Variants in CFAP263 observed in about 807,000 individuals in gnomAD.
CFAP263 encodes cilia- and flagella-associated protein 263.
the CFAP263 span, among the ~76,000 whole-genome samples, chr16:58,261,450 GC>G: frequency 1.3e-5 from 2 of 152,218 alleles, no homozygotes; most frequent in Non-Finnish European, 2.9e-5. Context: ...TAATGCCGCT[GC>G]TACACAAAGA....
the CFAP263 span, among the ~76,000 whole-genome samples, chr16:58,268,648 C>T: frequency 6.8e-4 from 104 of 152,136 alleles, no homozygotes; most frequent in African/African-American, 2.2e-3. Context: ...ATCATTTTCT[C>T]GATGGACAAC....
the CFAP263 span, chr16:58,278,649 G>A: frequency 2.5e-6 from 4 of 1,613,586 alleles, no homozygotes; most frequent in East Asian, 6.7e-5. Flanking sequence ...TGAGCCACGG[G>A]GAGCCCCAAG....
chr16:58,262,836 G>T, the CFAP263 span, among the ~76,000 whole-genome samples: 24 of 105,860 alleles, frequency 2.3e-4, no homozygotes, highest in Middle Eastern at 4.7e-3. Flanking sequence ...CTGACTAATT[G>T]AATTAGGAGG....
At chr16:58,255,756 G>A in the CFAP263 span, among the ~76,000 whole-genome samples, 7 of 151,978 alleles carry the variant, frequency 4.6e-5, no homozygotes, top group African/African-American at 1.7e-4. Flanking sequence ...GTAGAGACGG[G>A]GTTTCACCAT....
chr16:58,267,908 G>A, the CFAP263 span, among the ~76,000 whole-genome samples: 1 of 151,880 alleles, frequency 6.6e-6, no homozygotes, highest in African/African-American at 2.4e-5. Context: ...ACAACCCCAG[G>A]AAAAATGTTT....
chr16:58,258,505 G>C, the CFAP263 span: 1 of 1,613,988 alleles, frequency 6.2e-7, no homozygotes, highest in Non-Finnish European at 8.5e-7. Flanking sequence ...AATACATTGA[G>C]GACATGAACC....
At chr16:58,249,957 C>A in the CFAP263 span, 3 of 1,211,406 alleles carry the variant, frequency 2.5e-6, no homozygotes, top group East Asian at 2.6e-5. Flanking sequence ...GACGCGTGGC[C>A]GCCGGCACCC....
At chr16:58,259,970 T>C in the CFAP263 span, 1 of 1,430,778 alleles carries the variant, frequency 7.0e-7, no homozygotes, top group Non-Finnish European at 9.8e-7. Flanking sequence ...TCTGTTTCTT[T>C]TTAAGGTTAC....
chr16:58,269,582 T>A, the CFAP263 span, among the ~76,000 whole-genome samples: 3 of 152,240 alleles, frequency 2.0e-5, no homozygotes, highest in Non-Finnish European at 4.4e-5. Flanking sequence ...AAAGAGATTA[T>A]ACAATAGGTG....
the CFAP263 span, chr16:58,250,116 G>A: frequency 1.9e-6 from 3 of 1,567,612 alleles, no homozygotes; most frequent in Admixed American, 1.9e-5. Flanking sequence ...AGGAGCTCAG[G>A]TACCGCCGCC....
chr16:58,266,108 T>A, the CFAP263 span, among the ~76,000 whole-genome samples: 1 of 151,994 alleles, frequency 6.6e-6, no homozygotes, highest in Non-Finnish European at 1.5e-5. Flanking sequence ...AGAAGTGAGG[T>A]CTGAAAATAG....
chr16:58,249,992 G>C, the CFAP263 span: 12 of 1,516,546 alleles, frequency 7.9e-6, no homozygotes, highest in African/African-American at 1.4e-5. Flanking sequence ...CACGGCATTG[G>C]CAGGGGCCGC....
the CFAP263 span, chr16:58,262,317 A>G: frequency 1.4e-6 from 2 of 1,436,544 alleles, no homozygotes; most frequent in African/African-American, 1.4e-5. Context: ...AAGAGTTGCA[A>G]GATGTGAGCC....
chr16:58,252,679 G>C, the CFAP263 span: 1 of 1,574,460 alleles, frequency 6.4e-7, no homozygotes, highest in East Asian at 2.2e-5. Context: ...AGTTATTTGA[G>C]GTTTAAACTC....
chr16:58,252,834 C>G, the CFAP263 span: 1 of 1,613,876 alleles, frequency 6.2e-7, no homozygotes, highest in Non-Finnish European at 8.5e-7. Context: ...ATTAAAATAT[C>G]AGCAGCAGAT....
chr16:58,259,953 C>T, the CFAP263 span: 8 of 1,522,852 alleles, frequency 5.3e-6, no homozygotes, highest in Non-Finnish European at 7.2e-6. Flanking sequence ...TCCTTTTTCT[C>T]TCTCTCTCTG....
At chr16:58,268,509 G>T in the CFAP263 span, among the ~76,000 whole-genome samples, 1 of 152,182 alleles carries the variant, frequency 6.6e-6, no homozygotes, top group Admixed American at 6.5e-5. Flanking sequence ...CACATATAAT[G>T]ATGCTTTGTC....
At chr16:58,274,421 A>T in the CFAP263 span, among the ~76,000 whole-genome samples, 1 of 152,316 alleles carries the variant, frequency 6.6e-6, no homozygotes, top group East Asian at 1.9e-4. Context: ...TCTGATTTAC[A>T]GCCTGATTTT....
chr16:58,258,655 C>T, the CFAP263 span: 4 of 770,000 alleles, frequency 5.2e-6, no homozygotes, highest in Non-Finnish European at 8.4e-6. Context: ...ATTTTCTTTG[C>T]ATCCCTGAAA....
Sources: allele counts gnomAD v4.1 joint callset (sites outside exome capture counted in the v4.1 genomes callset), GRCh38; gene constraint gnomAD v4.1.1; transcripts MANE v1.5; gene names NCBI Gene and HGNC (gene_info 2026-07-23, HGNC 2026-07-21).